Variants in TMEM135 observed in about 807,000 individuals in gnomAD.
TMEM135 encodes peroxisomal membrane protein 52.
In TMEM135, 30 loss-of-function variants were observed where a neutral mutation model predicts 60.3. The ratio of observed to expected loss-of-function variants is 0.50; its 90% CI spans 0.37 to 0.68. The LOEUF is 0.68. TMEM135 is among the 30% of genes least tolerant of loss of function. TMEM135 has a pLI of 0.00. For missense variants in TMEM135, 468 were observed against 548.8 expected (o/e 0.85, Z 1.47); for synonymous variants, 190 against 186.7 (o/e 1.02, Z -0.14).
At chr11:87,140,663 A>G (rs1452866054) in intron 4 of TMEM135, among the ~76,000 whole-genome samples, 3 of 152,044 alleles carry the variant, frequency 2.0e-5, no homozygotes, top group Non-Finnish European at 4.4e-5. Context: ...TTTTTCTTTA[A>G]TATTTGTTTT....
chr11:87,087,908 T>C (rs1434110823), intron 3 of TMEM135, among the ~76,000 whole-genome samples: 1 of 152,066 alleles, frequency 6.6e-6, no homozygotes, highest in Non-Finnish European at 1.5e-5. Context: ...AGCTAATTTT[T>C]TGTATTTTTA....
intron 6 of TMEM135, among the ~76,000 whole-genome samples, chr11:87,283,637 A>G (rs1012659736): frequency 1.3e-5 from 2 of 152,176 alleles, no homozygotes; most frequent in Non-Finnish European, 2.9e-5. Flanking sequence ...AGGCAGGTGG[A>G]TCATGCAGCC....
chr11:87,157,675 A>T, intron 5 of TMEM135: 1 of 349,214 alleles, frequency 2.9e-6, no homozygotes. Context: ...AGTAACTTCT[A>T]CAAATGTTTG....
At chr11:87,113,247 T>C (rs922529008) in intron 4 of TMEM135, among the ~76,000 whole-genome samples, 6 of 152,096 alleles carry the variant, frequency 3.9e-5, no homozygotes, top group Admixed American at 6.5e-5. Context: ...CAAGAATTAC[T>C]TTTCTTGGTA....
rs142628212 is a variant in TMEM135 at position 87,324,180 on chromosome 11, C to T, written c.*2847C>T. On this transcript the variant is annotated 3_prime_UTR_variant, in exon 15 of 15. Coordinates refer to ENST00000305494, the MANE Select transcript of TMEM135 (RefSeq NM_022918.4). Reference sequence around the variant, plus strand: ...TTGTTAATGCTGACGTAATTGTTTCCTGCTTATATTTTATCATATCCCTGA... The same window carrying T: ...TTGTTAATGCTGACGTAATTGTTTCTTGCTTATATTTTATCATATCCCTGA... 624 of 453,964 alleles carry T rather than the reference C, an allele frequency of 1.4e-3. 5 individuals are homozygous for T. The highest frequency in any genetic ancestry group is 3.5e-3 in the Middle Eastern group (5 of 1,444). The allele number at this position is 453,964 out of a possible 1,614,324, so 28.1% of individuals were successfully genotyped here.
At chr11:87,058,771 C>T (rs927772446) in intron 1 of TMEM135, among the ~76,000 whole-genome samples, 2 of 151,538 alleles carry the variant, frequency 1.3e-5, no homozygotes, top group Non-Finnish European at 2.9e-5. Context: ...AGGCGCCCAC[C>T]ACCATGCCCG....
At chr11:87,224,271 A>C (rs1481360392) in intron 5 of TMEM135, among the ~76,000 whole-genome samples, 1 of 152,234 alleles carries the variant, frequency 6.6e-6, no homozygotes, top group Non-Finnish European at 1.5e-5. Context: ...TGTGGAACTC[A>C]GTTAGAGGGC....
chr11:87,162,616 A>G (rs574932805), intron 5 of TMEM135, among the ~76,000 whole-genome samples: 2 of 152,254 alleles, frequency 1.3e-5, no homozygotes, highest in South Asian at 4.1e-4. Context: ...TATCCAGTCT[A>G]TCACTTATGG....
Position 87,321,224 on chromosome 11 carries a change from T to G in TMEM135, c.1268T>G (p.Val423Gly). 6.2e-7 allele frequency: 1 copy of G among 1,613,552 alleles called. No homozygotes were observed. Among genetic ancestry groups the G allele is most frequent in the South Asian group, 1.1e-5 (1 of 91,072 alleles). ...AGATTTGCTGTCATGAACCGAAAAG[T>G]CCTTGATGTTTTTGGTACTGGTGCA... ...KGKFAVMNRK[V>G]LDVFGTGASK... is the part of the protein sequence containing the mutation. The change falls in exon 15 of 15, where the codon GTC becomes GGC. Residue 423 changes from valine to glycine, a missense_variant. Transcript: ENST00000305494.
At chr11:87,149,338 A>C (rs1047025428) in intron 4 of TMEM135, among the ~76,000 whole-genome samples, 4 of 152,060 alleles carry the variant, frequency 2.6e-5, no homozygotes, top group Admixed American at 2.6e-4. Context: ...ATGTGTTCCT[A>C]TACTCTCACC....
chr11:87,273,293 A>G (rs747518478), intron 6 of TMEM135, among the ~76,000 whole-genome samples: 19 of 152,172 alleles, frequency 1.2e-4, no homozygotes, highest in Non-Finnish European at 2.5e-4. Context: ...ATAAAATACC[A>G]TACAGATATT....
intron 6 of TMEM135, among the ~76,000 whole-genome samples, chr11:87,291,827 G>C (rs995842029): frequency 6.6e-6 from 1 of 152,068 alleles, no homozygotes; most frequent in Admixed American, 6.6e-5. Context: ...ACAGGCGTGA[G>C]CCACCGTCCC....
chr11:87,263,644 T>A (rs925890439), intron 6 of TMEM135, among the ~76,000 whole-genome samples: 2 of 152,130 alleles, frequency 1.3e-5, no homozygotes, highest in Non-Finnish European at 2.9e-5. Flanking sequence ...TTCTCTAAAG[T>A]GAATAATACC....
chr11:87,108,152 T>C (rs1007888604), intron 4 of TMEM135, among the ~76,000 whole-genome samples: 1 of 152,172 alleles, frequency 6.6e-6, no homozygotes, highest in African/African-American at 2.4e-5. Context: ...TTTGTAGATT[T>C]TGGATGTTAG....
intron 5 of TMEM135, among the ~76,000 whole-genome samples, chr11:87,223,919 A>G (rs944085667): frequency 6.6e-6 from 1 of 152,222 alleles, no homozygotes; most frequent in African/African-American, 2.4e-5. Context: ...GACTGAAGAA[A>G]TGATAACGGG....
intron 5 of TMEM135, among the ~76,000 whole-genome samples, chr11:87,225,024 C>T (rs1370211576): frequency 6.6e-6 from 1 of 151,996 alleles, no homozygotes; most frequent in Non-Finnish European, 1.5e-5. Flanking sequence ...TTCCTGTCAC[C>T]TTTTCTTAAA....
At chr11:87,142,828 C>T (rs921554530) in intron 4 of TMEM135, among the ~76,000 whole-genome samples, 56 of 133,676 alleles carry the variant, frequency 4.2e-4, no homozygotes, top group African/African-American at 1.5e-3. Context: ...TTTTCTCTTC[C>T]TTCTCCTTTC....
chr11:87,090,473 A>G (rs990675241), intron 3 of TMEM135, among the ~76,000 whole-genome samples: 1 of 152,110 alleles, frequency 6.6e-6, no homozygotes, highest in African/African-American at 2.4e-5. Flanking sequence ...TAATATGAAG[A>G]TTCGGCATAT....
chr11:87,184,166 C>G (rs1939594030), intron 5 of TMEM135, among the ~76,000 whole-genome samples: 1 of 151,856 alleles, frequency 6.6e-6, no homozygotes, highest in African/African-American at 2.4e-5. Flanking sequence ...AAAACCTTGT[C>G]TCTGATTTGT....
Sources: gnomAD v4.1 joint callset for allele counts (sites outside exome capture counted in the v4.1 genomes callset) on GRCh38, gnomAD v4.1.1 for gene constraint, MANE v1.5 for transcripts, NCBI Gene and HGNC (gene_info 2026-07-23, HGNC 2026-07-21) for gene names.